Variants in TMEM65 observed in about 807,000 individuals in gnomAD.
The protein encoded by TMEM65 is transmembrane protein 65.
Under a neutral mutation model 25.4 loss-of-function variants are expected in TMEM65, and 22 were observed. That is an observed-to-expected ratio of 0.86 (90% CI 0.62 to 1.23). TMEM65 has a LOEUF of 1.23. Ranked by LOEUF, TMEM65 falls within the 50% of genes most tolerant of loss-of-function variation. The pLI, the probability that TMEM65 is intolerant of heterozygous loss-of-function variation, is 0.00. For missense variants in TMEM65, 262 were observed against 308.2 expected (o/e 0.85, Z 1.12); for synonymous variants, 132 against 126.2 (o/e 1.05, Z -0.31).
At chr8:124,321,420 G>A (rs966944321) in intron 5 of TMEM65, among the ~76,000 whole-genome samples, 1 of 152,024 alleles carries the variant, frequency 6.6e-6, no homozygotes, top group Non-Finnish European at 1.5e-5. Context: ...ACTCCCCCAG[G>A]CTTCCCCAAG....
At chr8:124,362,129 T>A (rs1382071750) in intron 1 of TMEM65, among the ~76,000 whole-genome samples, 1 of 151,844 alleles carries the variant, frequency 6.6e-6, no homozygotes, top group Non-Finnish European at 1.5e-5. Context: ...TGACCTCAGG[T>A]GATCCACCCG....
In TMEM65 at chr8:124,309,106, C is replaced by T. The variant is rs544239645; in HGVS notation, c.*4854G>A. 149 of 152,278 alleles carry T rather than the reference C, an allele frequency of 9.8e-4. 1 individual carries two copies. Among genetic ancestry groups the T allele is most frequent in the African/African-American group, 3.4e-3 (143 of 41,530 alleles). 9.4% of individuals were successfully genotyped at this position (152,278 alleles called of 1,614,324 possible). Reference sequence around the variant, plus strand: ...ATGAATAGTAAATGTATTTTCTCTTCCTGATGATTTTAATAACATTTTCTT... The same window carrying T: ...ATGAATAGTAAATGTATTTTCTCTTTCTGATGATTTTAATAACATTTTCTT... On this transcript the variant is annotated 3_prime_UTR_variant, in exon 7 of 7. Coordinates refer to ENST00000297632, the MANE Select transcript of TMEM65 (RefSeq NM_194291.3).
intron 1 of TMEM65, among the ~76,000 whole-genome samples, chr8:124,332,648 G>C (rs1165537811): frequency 6.6e-6 from 1 of 151,988 alleles, no homozygotes; most frequent in African/African-American, 2.4e-5. Flanking sequence ...AGATACAACA[G>C]GGAGGAAAAC....
chr8:124,328,111 T>G (rs778112014), intron 2 of TMEM65, among the ~76,000 whole-genome samples: 2 of 152,088 alleles, frequency 1.3e-5, no homozygotes, highest in African/African-American at 2.4e-5. Context: ...ATAAATTCAA[T>G]GATCTGAGAT....
Position 124,330,766 on chromosome 8 carries a change from G to A in TMEM65, c.331C>T (p.Pro111Ser), listed in dbSNP as rs547179589. Residue 111 changes from proline (P) to serine (S), a missense_variant, in exon 2 of 7, where the codon CCA becomes TCA. Physicochemically the swap from Pro to Ser is moderately conservative, Grantham distance 74. Transcript: ENST00000297632. Reference protein sequence around the residue: ...QEKLEAPPPTPGQLRYVFIHN... With the variant: ...QEKLEAPPPTSGQLRYVFIHN... Reference sequence around the variant, plus strand: ...CCATTACCATATCTCAGCTGTCCTGGGGTGGGTGGTGGAGCTTCCAATTTT... The same window carrying A: ...CCATTACCATATCTCAGCTGTCCTGAGGTGGGTGGTGGAGCTTCCAATTTT... The A allele has an allele frequency of 1.3e-6, 2 of 1,585,884 alleles. No homozygotes were observed. The highest frequency in any genetic ancestry group is 4.8e-5 in the East Asian group (2 of 42,036).
Position 124,318,558 on chromosome 8 carries a change from T to C in TMEM65, c.621+1528A>G, listed in dbSNP as rs145464975. Among the ~76,000 whole-genome samples the C allele has an allele frequency of 8.8e-3, 1,332 of 151,864 alleles. 18 individuals are homozygous for C. Among genetic ancestry groups the C allele is most frequent in the African/African-American group, 0.029 (1,204 of 41,380 alleles). On this transcript the variant is annotated intron_variant, in intron 6 of 6. Transcript: ENST00000297632. Reference sequence around the variant, plus strand: ...GCCCAGCTAATTTTTGTATTTTCAATAGAGACAGGGTTTCACCATGCTGAT... The same window carrying C: ...GCCCAGCTAATTTTTGTATTTTCAACAGAGACAGGGTTTCACCATGCTGAT...
intron 1 of TMEM65, among the ~76,000 whole-genome samples, chr8:124,362,761 T>G (rs1057041503): frequency 3.3e-5 from 5 of 152,114 alleles, no homozygotes; most frequent in African/African-American, 1.2e-4. Context: ...AGTTTTAGTA[T>G]TGGTAATATA....
intron 5 of TMEM65, among the ~76,000 whole-genome samples, chr8:124,321,368 A>C (rs1814301252): frequency 6.6e-6 from 1 of 152,230 alleles, no homozygotes; most frequent in Non-Finnish European, 1.5e-5. Flanking sequence ...AGAGCAAGAC[A>C]GAGCATATTT....
rs71866914 is a variant in TMEM65 at position 124,350,119 on chromosome 8, A to AGT, written c.305-19329_305-19328dup. ...TTTGCAGACAATGTACTAATACATC[A>AGT]GTGTGTGTGTGTGTGTGTGTGTGTG... is the stretch of plus-strand genomic sequence containing the variant. On this transcript the variant is annotated intron_variant, in intron 1 of 6. Coordinates refer to ENST00000297632, the MANE Select transcript of TMEM65 (RefSeq NM_194291.3). Among the ~76,000 whole-genome samples, 474 of 148,220 alleles carry AGT rather than the reference A, an allele frequency of 3.2e-3. 1 individual carries two copies. Among genetic ancestry groups the AGT allele is most frequent in the African/African-American group, 6.0e-3 (241 of 40,440 alleles).
rs1362994222 is a variant in TMEM65 at position 124,307,986 on chromosome 8, G to A, written c.*5974C>T. The A allele has an allele frequency of 2.6e-5, 4 of 152,134 alleles. No individual in the cohort carries two copies. The highest frequency in any genetic ancestry group is 9.7e-5 in the African/African-American group (4 of 41,418). The allele number at this position is 152,134 out of a possible 1,614,324, so 9.4% of individuals were successfully genotyped here. A position where few individuals can be genotyped will look rare whatever the true frequency, so the allele number is the denominator to read the frequency against. ...TATGGGTTTTTGCAAATGCTGTTGGGTTTATGATCAAGACTGCACTTATCT... is the reference window on the plus strand; with the variant it reads ...TATGGGTTTTTGCAAATGCTGTTGGATTTATGATCAAGACTGCACTTATCT... On this transcript the variant is annotated 3_prime_UTR_variant, in exon 7 of 7. Transcript: ENST00000297632.
intron 1 of TMEM65, among the ~76,000 whole-genome samples, chr8:124,367,848 G>C (rs965964003): frequency 2.0e-5 from 3 of 146,910 alleles, no homozygotes; most frequent in Non-Finnish European, 4.5e-5. Flanking sequence ...CACTCACATA[G>C]AGTAATCAAA....
chr8:124,352,532 TAAAATAAAAA>T (rs1211458554), intron 1 of TMEM65, among the ~76,000 whole-genome samples: 1 of 134,452 alleles, frequency 7.4e-6, no homozygotes, highest in African/African-American at 3.2e-5. Context: ...TAAAATAAAA[TAAAATAAAAA>T]TACAGGTAAG....
At position 124,311,877 on chromosome 8, in the gene TMEM65, C is replaced by A. The variant is rs920886647; in HGVS notation, c.*2083G>T. 2.0e-5 allele frequency: 3 copies of A among 152,410 alleles called. No homozygotes were observed. Among genetic ancestry groups the A allele is most frequent in the Admixed American group, 6.5e-5 (1 of 15,270 alleles). 9.4% of individuals were successfully genotyped at this position (152,410 alleles called of 1,614,324 possible). On this transcript the variant is annotated 3_prime_UTR_variant, in exon 7 of 7. Coordinates refer to ENST00000297632, the MANE Select transcript of TMEM65 (RefSeq NM_194291.3). ...TCAATGTGAAGGTTATATATTTTGA[C>A]ACCTTAAATAATTCTGGAGATGTTC... is the stretch of plus-strand genomic sequence containing the variant.
intron 5 of TMEM65, 99 bp from the exon 6 acceptor site, chr8:124,320,290 GT>G: frequency 1.2e-6 from 1 of 825,666 alleles, no homozygotes; most frequent in Non-Finnish European, 1.8e-6. Flanking sequence ...CAAAATATAG[GT>G]TTTTAAAAAG....
chr8:124,338,962 G>A (rs1015185007), intron 1 of TMEM65, among the ~76,000 whole-genome samples: 2 of 151,728 alleles, frequency 1.3e-5, no homozygotes, highest in African/African-American at 2.4e-5. Context: ...AGGCCAAGGC[G>A]GGTGGATCAC....
chr8:124,360,149 G>A (rs1339997819), intron 1 of TMEM65, among the ~76,000 whole-genome samples: 5 of 151,904 alleles, frequency 3.3e-5, no homozygotes, highest in African/African-American at 9.7e-5. Context: ...AAAAAATCTC[G>A]GCCAGGCACA....
At chr8:124,344,005 AAT>A (rs1308145487) in intron 1 of TMEM65, among the ~76,000 whole-genome samples, 2 of 152,196 alleles carry the variant, frequency 1.3e-5, no homozygotes, top group Non-Finnish European at 2.9e-5. Context: ...CCAACCTTGC[AAT>A]GATTCCAATA....
chr8:124,330,899 G>T, intron 1 of TMEM65, 107 bp from the exon 2 acceptor site: 2 of 1,038,580 alleles, frequency 1.9e-6, no homozygotes. Flanking sequence ...GAGAATATCA[G>T]AGTTTATTCA....
chr8:124,322,104 C>T lies in TMEM65; in HGVS notation c.515+1G>A. 2 of 1,605,930 alleles carry T rather than the reference C, an allele frequency of 1.2e-6. No homozygotes were observed. The highest frequency in any genetic ancestry group is 1.7e-6 in the Non-Finnish European group (2 of 1,175,340). On this transcript the variant is annotated splice_donor_variant, in intron 5 of 6. Coordinates refer to ENST00000297632, the MANE Select transcript of TMEM65 (RefSeq NM_194291.3). LOFTEE classifies it high-confidence loss of function. ...ACAAATGAATAAGTGAATGAACCTA[C>T]CCAAGTCCAGCTAGATCTGACACAA...
Sources: gnomAD v4.1 joint callset for allele counts (sites outside exome capture counted in the v4.1 genomes callset) on GRCh38, gnomAD v4.1.1 for gene constraint, MANE v1.5 for transcripts, NCBI Gene and HGNC (gene_info 2026-07-23, HGNC 2026-07-21) for gene names.